Variants in ROBO1 observed in about 807,000 individuals in gnomAD.
ROBO1 encodes roundabout guidance receptor 1.
Under a neutral mutation model 195.9 loss-of-function variants are expected in ROBO1, and 149 were observed. The observed-to-expected ratio is 0.76, with a 90% CI of 0.67 to 0.87. The LOEUF (loss-of-function observed/expected upper bound fraction) is 0.87. Among genes scored for constraint, ROBO1 ranks in the 40% least tolerant of loss-of-function variants. The probability of loss-of-function intolerance (pLI) is 0.00; values close to 1 mark genes in which losing one functional copy is unlikely to be tolerated. For missense variants in ROBO1, 1,933 were observed against 2,068.3 expected (o/e 0.93, Z 1.27); for synonymous variants, 816 against 733.2 (o/e 1.11, Z -1.82).
chr3:79,730,514 C>T (rs1180953191), intron 1 of ROBO1, among the ~76,000 whole-genome samples: 2 of 151,908 alleles, frequency 1.3e-5, no homozygotes, highest in Non-Finnish European at 2.9e-5. Context: ...AAGTTTCATC[C>T]CCTCTCCACT....
chr3:78,849,147 T>C (rs1271966230), intron 4 of ROBO1, among the ~76,000 whole-genome samples: 1 of 152,154 alleles, frequency 6.6e-6, no homozygotes, highest in African/African-American at 2.4e-5. Flanking sequence ...CTTTAAATAT[T>C]TGTTTTGGAC....
chr3:79,588,670 A>C (rs1358143669), intron 2 of ROBO1, among the ~76,000 whole-genome samples: 1 of 151,734 alleles, frequency 6.6e-6, no homozygotes, highest in East Asian at 1.9e-4. Flanking sequence ...TAATCTTAAT[A>C]CTCAACAGAG....
intron 2 of ROBO1, among the ~76,000 whole-genome samples, chr3:79,334,532 T>C (rs2034587876): frequency 6.6e-6 from 1 of 151,772 alleles, no homozygotes; most frequent in Non-Finnish European, 1.5e-5. Flanking sequence ...AGATGTTCGA[T>C]AAACTTGTGT....
intron 2 of ROBO1, among the ~76,000 whole-genome samples, chr3:79,422,027 A>C (rs73129003): frequency 0.066 from 9,911 of 150,738 alleles, 402 homozygotes; most frequent in East Asian, 0.14. Flanking sequence ...GTGTGGCATT[A>C]ATTGTGACCA....
At chr3:79,140,533 A>G (rs1182098911) in intron 2 of ROBO1, among the ~76,000 whole-genome samples, 1 of 152,102 alleles carries the variant, frequency 6.6e-6, no homozygotes, top group Non-Finnish European at 1.5e-5. Context: ...ACTTATTTAT[A>G]AAATCTTATG....
chr3:79,406,607 G>T (rs2037561030), intron 2 of ROBO1, among the ~76,000 whole-genome samples: 1 of 151,792 alleles, frequency 6.6e-6, no homozygotes, highest in Non-Finnish European at 1.5e-5. Context: ...GTGTTTGGGG[G>T]TGTTGGTAGT....
At chr3:79,746,200 T>G (rs1703869047) in intron 1 of ROBO1, among the ~76,000 whole-genome samples, 1 of 152,094 alleles carries the variant, frequency 6.6e-6, no homozygotes, top group South Asian at 2.1e-4. Flanking sequence ...CATCCAGGAA[T>G]GAAATGGTAC....
At chr3:79,526,557 G>C (rs1437805637) in intron 2 of ROBO1, 1 of 152,130 alleles carries the variant, frequency 6.6e-6, no homozygotes, top group Non-Finnish European at 1.5e-5. Flanking sequence ...GAATACATAC[G>C]TCATTTGACT....
At chr3:79,503,123 T>C (rs2107510049) in intron 2 of ROBO1, among the ~76,000 whole-genome samples, 1 of 152,298 alleles carries the variant, frequency 6.6e-6, no homozygotes. Context: ...TCTTTGGGTC[T>C]ACACTGCCAT....
intron 8 of ROBO1, among the ~76,000 whole-genome samples, chr3:78,711,444 C>CT (rs1559774147): frequency 0.015 from 890 of 61,110 alleles, 23 homozygotes; most frequent in East Asian, 0.048. Context: ...TCTTTCTTTC[C>CT]TTCCTTCCTT....
At chr3:79,374,979 CTTATTTATTCAACGT>C (rs1408701882) in intron 2 of ROBO1, among the ~76,000 whole-genome samples, 1 of 152,108 alleles carries the variant, frequency 6.6e-6, no homozygotes, top group Admixed American at 6.5e-5. Context: ...CATCCTTTTA[CTTATTTATTCAACGT>C]TTATTTATTC....
intron 1 of ROBO1, among the ~76,000 whole-genome samples, chr3:79,727,622 T>G (rs1187376149): frequency 6.6e-6 from 1 of 152,194 alleles, no homozygotes; most frequent in Non-Finnish European, 1.5e-5. Flanking sequence ...TTTAAAGAAA[T>G]ATCTATTAAC....
intron 3 of ROBO1, among the ~76,000 whole-genome samples, chr3:78,941,398 G>A (rs1157168753): frequency 6.6e-6 from 1 of 152,192 alleles, no homozygotes; most frequent in African/African-American, 2.4e-5. Flanking sequence ...AACTTCAGAA[G>A]ATTAAGTATT....
At chr3:78,724,875 C>A (rs2082126678) in intron 5 of ROBO1, among the ~76,000 whole-genome samples, 1 of 152,064 alleles carries the variant, frequency 6.6e-6, no homozygotes, top group Admixed American at 6.6e-5. Context: ...GTGAAAACAG[C>A]ACTATTTAAA....
chr3:79,257,364 G>A (rs538682178), intron 2 of ROBO1, among the ~76,000 whole-genome samples: 2 of 152,226 alleles, frequency 1.3e-5, no homozygotes, highest in South Asian at 2.1e-4. Flanking sequence ...AGTGGAACTC[G>A]AAAGTACAAA....
intron 1 of ROBO1, among the ~76,000 whole-genome samples, chr3:79,743,760 G>T (rs1167448347): frequency 6.6e-6 from 1 of 151,670 alleles, no homozygotes; most frequent in Non-Finnish European, 1.5e-5. Context: ...AAACTTTTTT[G>T]TTTAAAAGTA....
intron 3 of ROBO1, among the ~76,000 whole-genome samples, chr3:79,020,509 T>C (rs1275273043): frequency 6.6e-6 from 1 of 152,056 alleles, no homozygotes; most frequent in African/African-American, 2.4e-5. Flanking sequence ...CTGACCAATA[T>C]GGTGAAACCC....
intron 1 of ROBO1, among the ~76,000 whole-genome samples, chr3:79,598,554 T>C (rs1054884738): frequency 6.6e-6 from 1 of 152,042 alleles, no homozygotes; most frequent in Non-Finnish European, 1.5e-5. Context: ...TTATTTAATT[T>C]ATTTTATTTC....
At chr3:79,116,921 T>G (rs2080014799) in intron 3 of ROBO1, among the ~76,000 whole-genome samples, 1 of 152,220 alleles carries the variant, frequency 6.6e-6, no homozygotes, top group African/African-American at 2.4e-5. Flanking sequence ...ATGTTATTGT[T>G]GCATTACTAT....
Sources: allele counts gnomAD v4.1 joint callset (sites outside exome capture counted in the v4.1 genomes callset), GRCh38; gene constraint gnomAD v4.1.1; transcripts MANE v1.5; gene names NCBI Gene and HGNC (gene_info 2026-07-23, HGNC 2026-07-21).